Variants in MEI4 observed in about 807,000 individuals in gnomAD.
MEI4 encodes the protein meiosis-specific protein MEI4.
Under a neutral mutation model 31.4 loss-of-function variants are expected in MEI4, and 27 were observed. The ratio of observed to expected loss-of-function variants is 0.86; its 90% CI spans 0.63 to 1.19. The LOEUF is 1.19. Ranked by LOEUF, MEI4 falls within the 50% of genes most tolerant of loss-of-function variation. The pLI is 0.00. For missense variants in MEI4, 329 were observed against 398.9 expected, an observed-to-expected ratio of 0.82 and a Z score of 1.49; for synonymous variants, 122 against 145.4, an observed-to-expected ratio of 0.84 and a Z score of 1.16.
At chr6:77,819,229 G>A (rs766478434) in intron 3 of MEI4, among the ~76,000 whole-genome samples, 34 of 151,860 alleles carry the variant, frequency 2.2e-4, no homozygotes, top group African/African-American at 7.0e-4. Context: ...TATGTTTTGT[G>A]ATTAATCTAT....
chr6:77,736,026 G>C (rs1767197143), intron 2 of MEI4, among the ~76,000 whole-genome samples: 1 of 149,712 alleles, frequency 6.7e-6, no homozygotes, highest in African/African-American at 2.4e-5. Context: ...GAGAACCACT[G>C]CTCTCTTCAA....
intron 4 of MEI4, among the ~76,000 whole-genome samples, chr6:77,846,469 C>T (rs1156760): frequency 0.99 from 150,794 of 152,294 alleles, 74,658 homozygotes; most frequent in Middle Eastern, 1. Context: ...AGAGCTTTGC[C>T]CTGCTTTATT....
intron 3 of MEI4, among the ~76,000 whole-genome samples, chr6:77,818,539 A>T (rs1769742137): frequency 6.6e-6 from 1 of 152,166 alleles, no homozygotes; most frequent in Non-Finnish European, 1.5e-5. Context: ...AAATATACAC[A>T]AATTTTTAAA....
intron 1 of MEI4, among the ~76,000 whole-genome samples, chr6:77,681,415 A>G (rs995503290): frequency 1.3e-5 from 2 of 152,228 alleles, no homozygotes; most frequent in Non-Finnish European, 2.9e-5. Flanking sequence ...TGTAACCACG[A>G]AACACCTATA....
chr6:77,745,562 G>A (rs1232140812), intron 2 of MEI4, among the ~76,000 whole-genome samples: 3 of 152,144 alleles, frequency 2.0e-5, no homozygotes, highest in South Asian at 2.1e-4. Context: ...ACAGATCAGT[G>A]AGACAGAAAG....
Position 77,806,844 on chromosome 6 carries a change from G to A in MEI4, c.769-22087G>A, listed in dbSNP as rs987726300. Among the ~76,000 whole-genome samples the A allele has an allele frequency of 2.6e-5, 4 of 151,696 alleles. No homozygotes were observed. In the East Asian group the frequency reaches 7.8e-4, roughly 30 times the overall value. ...CCTACGACTTGTTTTTGTAAATCAG[G>A]TTTTACTGGAACACATCTACACCCA... On this transcript the variant is annotated intron_variant, in intron 3 of 4. Coordinates refer to ENST00000684080, the MANE Select transcript of MEI4 (RefSeq NM_001322247.2).
intron 2 of MEI4, among the ~76,000 whole-genome samples, chr6:77,703,506 A>C (rs1254132946): frequency 1.3e-5 from 2 of 152,142 alleles, no homozygotes; most frequent in Admixed American, 6.5e-5. Flanking sequence ...TTTTTTTGGA[A>C]TAGCTTAATG....
chr6:77,908,095 A>C (rs1277274323), intron 4 of MEI4, among the ~76,000 whole-genome samples: 1 of 151,528 alleles, frequency 6.6e-6, no homozygotes, highest in East Asian at 1.9e-4. Context: ...CCATTCTGTA[A>C]GTTTCCTATT....
intron 1 of MEI4, among the ~76,000 whole-genome samples, chr6:77,664,469 G>C (rs1046114027): frequency 6.6e-6 from 1 of 152,124 alleles, no homozygotes; most frequent in African/African-American, 2.4e-5. Context: ...GTAAATTGCT[G>C]GGCAGGTGGG....
At chr6:77,765,865 T>C (rs538378300) in intron 3 of MEI4, among the ~76,000 whole-genome samples, 1 of 152,218 alleles carries the variant, frequency 6.6e-6, no homozygotes, top group South Asian at 2.1e-4. Context: ...CCATAAAAAA[T>C]GATGAGTTCA....
intron 4 of MEI4, among the ~76,000 whole-genome samples, chr6:77,910,469 A>G (rs1399747854): frequency 1.3e-5 from 2 of 152,206 alleles, no homozygotes; most frequent in Non-Finnish European, 2.9e-5. Context: ...TTCAAAGAGA[A>G]TAAAATACCT....
At chr6:77,798,888 A>G (rs1279068643) in intron 3 of MEI4, among the ~76,000 whole-genome samples, 2 of 151,556 alleles carry the variant, frequency 1.3e-5, no homozygotes, top group African/African-American at 2.4e-5. Context: ...AATCCAGTCT[A>G]TCATTGTTGG....
intron 2 of MEI4, among the ~76,000 whole-genome samples, chr6:77,733,976 C>T (rs1477294234): frequency 6.6e-6 from 1 of 152,048 alleles, no homozygotes; most frequent in Non-Finnish European, 1.5e-5. Flanking sequence ...AGTTTGATTG[C>T]ACTGTGGTCT....
rs536322482 is a variant in MEI4, at chr6:77,699,335, G to A, written c.232+8432G>A. 2.2e-4 allele frequency among the ~76,000 whole-genome samples: 34 copies of A among 151,454 alleles called. 1 individual carries two copies. The South Asian group carries it at 5.6e-3, about 25-fold the overall frequency. ...CTCCCAAGTAGCTGGGACTACAGGCGCCTGCCACTACGCCCGGCTAATTTT... is the reference window on the plus strand; with the variant it reads ...CTCCCAAGTAGCTGGGACTACAGGCACCTGCCACTACGCCCGGCTAATTTT... On this transcript the variant is annotated intron_variant, in intron 2 of 4. Coordinates refer to ENST00000684080, the MANE Select transcript of MEI4 (RefSeq NM_001322247.2).
chr6:77,844,417 A>G (rs1398442903), intron 4 of MEI4, among the ~76,000 whole-genome samples: 1 of 152,170 alleles, frequency 6.6e-6, no homozygotes, highest in Non-Finnish European at 1.5e-5. Flanking sequence ...AACATAACAG[A>G]AGCCTTCCAT....
At chr6:77,664,651 C>T (rs917485828) in intron 1 of MEI4, among the ~76,000 whole-genome samples, 3 of 152,006 alleles carry the variant, frequency 2.0e-5, no homozygotes, top group Admixed American at 1.3e-4. Flanking sequence ...TAGAAAGACT[C>T]AGCGACGCTT....
At chr6:77,846,743 A>T (rs1484019936) in intron 4 of MEI4, among the ~76,000 whole-genome samples, 1 of 152,158 alleles carries the variant, frequency 6.6e-6, no homozygotes. Flanking sequence ...TGACCTTGAC[A>T]TGGAATTCTG....
Position 77,820,562 on chromosome 6 carries a change from G to A in MEI4, c.769-8369G>A, listed in dbSNP as rs1311674340. ...ATTACAGTCATGAGCCACTGTGCCC[G>A]GCCGGTTTTCTTTTTTAAATCCCTT... On this transcript the variant is annotated intron_variant, in intron 3 of 4. Transcript: ENST00000684080. This position sits in a 1 kb window ranked among gnomAD's most constrained non-coding sequence, Gnocchi z 4.5. Among the ~76,000 whole-genome samples, 1 of 152,088 alleles carries A rather than the reference G, an allele frequency of 6.6e-6. No homozygotes were observed. Among genetic ancestry groups the A allele is most frequent in the Non-Finnish European group, 1.5e-5 (1 of 68,028 alleles).
chr6:77,761,061 C>A (rs1485105335), intron 2 of MEI4, 69 bp from the exon 3 acceptor site: 1 of 1,018,220 alleles, frequency 9.8e-7, no homozygotes, highest in African/African-American at 1.7e-5. Flanking sequence ...AGATAAGTAT[C>A]AATGGCTAGT....
Sources: allele counts gnomAD v4.1 joint callset (sites outside exome capture counted in the v4.1 genomes callset), GRCh38; gene constraint gnomAD v4.1.1; non-coding constraint Gnocchi (gnomAD v3.1); transcripts MANE v1.5; gene names NCBI Gene and HGNC (gene_info 2026-07-23, HGNC 2026-07-21).